The following CTNND2 variants were observed in gnomAD, a reference collection of about 807,000 sequenced individuals.
The protein encoded by CTNND2 is catenin delta-2.
A neutral mutation model predicts 144.4 loss-of-function variants in CTNND2; 22 were observed. The observed-to-expected ratio is 0.15, with a 90% CI of 0.11 to 0.22. The LOEUF (loss-of-function observed/expected upper bound fraction) is 0.22, where lower values mean the gene tolerates loss of function less well. CTNND2 is among the 10% of genes least tolerant of loss of function. The pLI, the probability that CTNND2 is intolerant of heterozygous loss-of-function variation, is 1.00. For synonymous variants in CTNND2, 751 were observed against 695.6 expected (o/e 1.08, Z -1.25); for missense variants, 1,353 against 1,618.8 (o/e 0.84, Z 2.82).
intron 18 of CTNND2, among the ~76,000 whole-genome samples, chr5:10,998,836 G>A (rs1183626195): frequency 6.6e-6 from 1 of 152,168 alleles, no homozygotes; most frequent in East Asian, 1.9e-4. Context: ...AAGTTTACAG[G>A]AAAATGTGCG....
At chr5:10,997,867 A>T (rs1231473340) in intron 18 of CTNND2, among the ~76,000 whole-genome samples, 1 of 152,186 alleles carries the variant, frequency 6.6e-6, no homozygotes, top group African/African-American at 2.4e-5. Flanking sequence ...ATTATGTTCT[A>T]AGACCTAAGG....
intron 1 of CTNND2, 60 bp from the exon 2 acceptor site, chr5:11,732,332 ATC>A: frequency 1.3e-6 from 2 of 1,528,030 alleles, no homozygotes; most frequent in South Asian, 2.4e-5. Flanking sequence ...AGGTACAACT[ATC>A]AGACCACTTT....
chr5:11,263,507 A>ATGTG (rs1181795612), intron 9 of CTNND2, among the ~76,000 whole-genome samples: 1 of 151,656 alleles, frequency 6.6e-6, no homozygotes, highest in Non-Finnish European at 1.5e-5. Flanking sequence ...GTGTGCATGT[A>ATGTG]TGTGTGTGTG....
At chr5:11,502,710 G>A (rs1770659327) in intron 3 of CTNND2, among the ~76,000 whole-genome samples, 1 of 152,042 alleles carries the variant, frequency 6.6e-6, no homozygotes, top group African/African-American at 2.4e-5. Flanking sequence ...ATAGGGTTTT[G>A]CACATCCCCT....
intron 10 of CTNND2, among the ~76,000 whole-genome samples, chr5:11,221,268 T>C (rs540177674): frequency 6.6e-6 from 1 of 152,324 alleles, no homozygotes; most frequent in South Asian, 2.1e-4. Flanking sequence ...GAAATTTGCA[T>C]ACATTTAAAG....
intron 1 of CTNND2, among the ~76,000 whole-genome samples, chr5:11,856,378 T>A (rs535912093): frequency 1.3e-5 from 2 of 152,296 alleles, no homozygotes; most frequent in East Asian, 3.9e-4. Context: ...GTGAGTGTCA[T>A]CTGAAGGAGT....
At chr5:11,315,433 A>T (rs1250857402) in intron 9 of CTNND2, among the ~76,000 whole-genome samples, 1 of 152,234 alleles carries the variant, frequency 6.6e-6, no homozygotes, top group Non-Finnish European at 1.5e-5. Flanking sequence ...TTTTGCCAGT[A>T]AAAACTGACT....
At chr5:11,662,368 G>A (rs1783317119) in intron 2 of CTNND2, among the ~76,000 whole-genome samples, 1 of 151,428 alleles carries the variant, frequency 6.6e-6, no homozygotes, top group African/African-American at 2.4e-5. Context: ...TAGGCCGTCT[G>A]CAAGCTGAGG....
Position 10,973,804 on chromosome 5 carries a change from T to C in CTNND2, c.3418-91A>G, listed in dbSNP as rs927076947. 1.1e-5 allele frequency: 16 copies of C among 1,403,968 alleles called. No individual in the cohort carries two copies. The highest frequency in any genetic ancestry group is 2.5e-4 in the Middle Eastern group (1 of 4,056). The allele number at this position is 1,403,968 out of a possible 1,614,324, so 87.0% of individuals were successfully genotyped here. ...CGGCACCCAACTCTCCTTCAAAGAA[T>C]AGGCTGTGTATATCCAGGCATTCAC... On this transcript the variant is annotated intron_variant, in intron 21 of 21. Transcript: ENST00000304623. The surrounding 1 kb of genome is among the most constrained non-coding windows in gnomAD (Gnocchi z 5.6).
At chr5:11,014,051 C>T (rs1741360541) in intron 18 of CTNND2, among the ~76,000 whole-genome samples, 1 of 152,224 alleles carries the variant, frequency 6.6e-6, no homozygotes, top group Admixed American at 6.5e-5. Context: ...TGAGCACGTA[C>T]AGCTCCATGA....
intron 14 of CTNND2, among the ~76,000 whole-genome samples, chr5:11,108,291 G>A (rs1445114827): frequency 6.6e-6 from 1 of 152,140 alleles, no homozygotes; most frequent in African/African-American, 2.4e-5. Flanking sequence ...AAGAAGCCTT[G>A]AAAGTTCTTC....
intron 2 of CTNND2, among the ~76,000 whole-genome samples, chr5:11,718,525 T>C (rs1297021579): frequency 6.6e-6 from 1 of 152,106 alleles, no homozygotes; most frequent in Non-Finnish European, 1.5e-5. Flanking sequence ...TGGCAGGTGC[T>C]GGGACTTGCA....
At chr5:11,828,132 G>T (rs1793695006) in intron 1 of CTNND2, among the ~76,000 whole-genome samples, 2 of 152,164 alleles carry the variant, frequency 1.3e-5, no homozygotes, top group Admixed American at 1.3e-4. Context: ...CCCATATGTT[G>T]TGGGAGGAAC....
At chr5:11,686,671 A>T (rs1784664110) in intron 2 of CTNND2, among the ~76,000 whole-genome samples, 1 of 151,588 alleles carries the variant, frequency 6.6e-6, no homozygotes, top group African/African-American at 2.4e-5. Flanking sequence ...AAATGTGAGC[A>T]TGTTAAAATA....
intron 12 of CTNND2, among the ~76,000 whole-genome samples, chr5:11,145,352 C>A (rs1201270549): frequency 6.6e-6 from 1 of 151,988 alleles, no homozygotes; most frequent in Non-Finnish European, 1.5e-5. Flanking sequence ...CCCCCTGTCC[C>A]AGCCCTACAT....
chr5:11,063,931 A>C (rs1187587653), intron 16 of CTNND2, among the ~76,000 whole-genome samples: 1 of 152,152 alleles, frequency 6.6e-6, no homozygotes, highest in African/African-American at 2.4e-5. Flanking sequence ...CAATACGCTG[A>C]CACAGGCATC....
intron 2 of CTNND2, among the ~76,000 whole-genome samples, chr5:11,592,103 C>T (rs1008346218): frequency 6.6e-6 from 1 of 151,352 alleles, no homozygotes; most frequent in Non-Finnish European, 1.5e-5. Context: ...GGCTCAGGAA[C>T]CTATCTACCT....
At chr5:11,537,548 C>G (rs1294281563) in intron 3 of CTNND2, among the ~76,000 whole-genome samples, 2 of 152,090 alleles carry the variant, frequency 1.3e-5, no homozygotes, top group Non-Finnish European at 2.9e-5. Flanking sequence ...CACTAATATC[C>G]TACAGGCATA....
intron 2 of CTNND2, among the ~76,000 whole-genome samples, chr5:11,592,126 TCTTTCCTG>T: frequency 6.9e-6 from 1 of 145,902 alleles, no homozygotes; most frequent in Non-Finnish European, 1.5e-5. Context: ...CTTCCTTCCT[TCTTTCCTG>T]CCTTCCTGCC....
Sources: allele counts gnomAD v4.1 joint callset (sites outside exome capture counted in the v4.1 genomes callset), GRCh38; gene constraint gnomAD v4.1.1; non-coding constraint Gnocchi (gnomAD v3.1); transcripts MANE v1.5; gene names NCBI Gene and HGNC (gene_info 2026-07-23, HGNC 2026-07-21).